Variants in SNTG1 observed in about 807,000 individuals in gnomAD.
SNTG1 encodes the protein gamma-1-syntrophin.
In SNTG1, 39 loss-of-function variants were observed where a neutral mutation model predicts 74.7. The observed-to-expected ratio is 0.52, with a 90% CI of 0.40 to 0.68. The LOEUF (loss-of-function observed/expected upper bound fraction) is 0.68. Among genes scored for constraint, SNTG1 ranks in the 30% least tolerant of loss-of-function variants. The probability of loss-of-function intolerance (pLI) is 0.00; values close to 1 mark genes in which losing one functional copy is unlikely to be tolerated. For missense variants in SNTG1, 685 were observed against 609.5 expected (o/e 1.12, Z -1.30); for synonymous variants, 254 against 217.1 (o/e 1.17, Z -1.49).
At chr8:50,696,265 C>T (rs933004395) in intron 15 of SNTG1, among the ~76,000 whole-genome samples, 4 of 151,868 alleles carry the variant, frequency 2.6e-5, no homozygotes, top group Non-Finnish European at 5.9e-5. Flanking sequence ...TGTATGTTTT[C>T]TTTTGACAAA....
intron 2 of SNTG1, among the ~76,000 whole-genome samples, chr8:50,211,401 C>A (rs562175625): frequency 2.0e-5 from 3 of 152,174 alleles, no homozygotes; most frequent in African/African-American, 7.2e-5. Flanking sequence ...TAATTATATT[C>A]ATTTAATAAT....
chr8:50,758,696 C>T (rs1003111023), intron 18 of SNTG1, among the ~76,000 whole-genome samples: 10 of 152,044 alleles, frequency 6.6e-5, no homozygotes, highest in African/African-American at 4.8e-5. Context: ...TGTATATGTG[C>T]CACATTTTCT....
intron 1 of SNTG1, among the ~76,000 whole-genome samples, chr8:50,160,318 G>GATAT (rs1268397980): frequency 2.0e-5 from 3 of 152,162 alleles, no homozygotes; most frequent in Non-Finnish European, 2.9e-5. Flanking sequence ...TTAAAGGGAT[G>GATAT]ATATAAACAA....
intron 1 of SNTG1, among the ~76,000 whole-genome samples, chr8:50,161,709 T>G (rs140382946): frequency 6.6e-6 from 1 of 151,602 alleles, no homozygotes; most frequent in African/African-American, 2.4e-5. Flanking sequence ...TGAAAGCCCT[T>G]GTCTAGTGAG....
chr8:50,340,817 G>C (rs549817975), intron 2 of SNTG1, among the ~76,000 whole-genome samples: 1 of 151,946 alleles, frequency 6.6e-6, no homozygotes, highest in African/African-American at 2.4e-5. Context: ...GTAAGTCTAG[G>C]ACTTTGTTTT....
intron 1 of SNTG1, among the ~76,000 whole-genome samples, chr8:50,115,699 G>T (rs910445568): frequency 1.3e-4 from 20 of 151,838 alleles, no homozygotes; most frequent in Non-Finnish European, 2.8e-4. Context: ...TGCTCTGTGT[G>T]TGTGTCTAGA....
intron 8 of SNTG1, among the ~76,000 whole-genome samples, chr8:50,472,134 A>G (rs1052605827): frequency 2.0e-5 from 3 of 152,198 alleles, no homozygotes; most frequent in African/African-American, 7.2e-5. Flanking sequence ...TGTAATTTAC[A>G]GAGTTGGTGT....
chr8:50,767,553 T>C lies in SNTG1; in HGVS notation c.1395+15442T>C, dbSNP rs896581190. 3.3e-5 allele frequency among the ~76,000 whole-genome samples: 5 copies of C among 152,086 alleles called. No homozygotes were observed. In the South Asian group the frequency reaches 1.0e-3, roughly 32 times the overall value. On this transcript the variant is annotated intron_variant, in intron 18 of 18. Transcript: ENST00000642720. ...AAGCCTAATTAAACTTCTCAGAACT[T>C]CCCTAGTGGAACAGGGGAGTGGTTC... is the stretch of plus-strand genomic sequence containing the variant.
chr8:50,652,945 G>A lies in SNTG1; in HGVS notation c.850-3964G>A, dbSNP rs185372854. 1.6e-3 allele frequency among the ~76,000 whole-genome samples: 242 copies of A among 151,724 alleles called. 2 individuals carry two copies. The highest frequency in any genetic ancestry group is 0.01 in the Middle Eastern group (3 of 292). On this transcript the variant is annotated intron_variant, in intron 13 of 18. Coordinates refer to ENST00000642720, the MANE Select transcript of SNTG1 (RefSeq NM_018967.5). ...CTTTTTATTTCTAGAAATAATGTTT[G>A]CCTTAGATCTACGTTTTCTAATACC...
chr8:49,990,359 A>G (rs1322559430), intron 1 of SNTG1, among the ~76,000 whole-genome samples: 1 of 152,046 alleles, frequency 6.6e-6, no homozygotes, highest in East Asian at 1.9e-4. Context: ...ATTGATCAAA[A>G]GATTTTATAC....
At chr8:50,415,459 T>C (rs2093002329) in intron 4 of SNTG1, among the ~76,000 whole-genome samples, 1 of 152,156 alleles carries the variant, frequency 6.6e-6, no homozygotes, top group Non-Finnish European at 1.5e-5. Flanking sequence ...TACTTATACC[T>C]ATACATGTTA....
intron 1 of SNTG1, among the ~76,000 whole-genome samples, chr8:50,012,689 G>A (rs1485169923): frequency 2.0e-5 from 3 of 152,106 alleles, no homozygotes; most frequent in East Asian, 1.9e-4. Context: ...GGTCACATGG[G>A]GGAGCACTTG....
intron 17 of SNTG1, among the ~76,000 whole-genome samples, chr8:50,716,623 C>A (rs1000232305): frequency 6.6e-6 from 1 of 151,324 alleles, no homozygotes; most frequent in Non-Finnish European, 1.5e-5. Flanking sequence ...AGTAAATATT[C>A]AAAAAAATTT....
At chr8:50,319,490 A>G (rs2090445781) in intron 2 of SNTG1, among the ~76,000 whole-genome samples, 1 of 152,214 alleles carries the variant, frequency 6.6e-6, no homozygotes, top group Admixed American at 6.5e-5. Flanking sequence ...GTTGTTCCAA[A>G]TATAAGATTA....
rs1396871778 is a variant in SNTG1, at chr8:50,749,383, C to T, written c.1285-2618C>T. 3.3e-5 allele frequency among the ~76,000 whole-genome samples: 5 copies of T among 152,092 alleles called. No individual in the cohort carries two copies. In the South Asian group the frequency reaches 6.2e-4, roughly 19 times the overall value. On this transcript the variant is annotated intron_variant, in intron 17 of 18. Transcript: ENST00000642720. ...CCATCTCTACACCATAAAAGTACAA[C>T]GTGAAGCAGCAAGTGCTGATGGAGA... is the stretch of plus-strand genomic sequence containing the variant.
intron 1 of SNTG1, among the ~76,000 whole-genome samples, chr8:50,168,800 T>C (rs1563688032): frequency 6.6e-6 from 1 of 152,176 alleles, no homozygotes; most frequent in African/African-American, 2.4e-5. Context: ...TTCTAGGAAG[T>C]TGCAAAGAAA....
intron 1 of SNTG1, among the ~76,000 whole-genome samples, chr8:50,000,380 G>T (rs535134976): frequency 2.0e-5 from 3 of 152,214 alleles, no homozygotes; most frequent in Non-Finnish European, 2.9e-5. Flanking sequence ...CAGAATGCTA[G>T]AAGTGCCTGT....
At chr8:50,494,830 A>G (rs2093889718) in intron 8 of SNTG1, among the ~76,000 whole-genome samples, 1 of 152,100 alleles carries the variant, frequency 6.6e-6, no homozygotes, top group Non-Finnish European at 1.5e-5. Flanking sequence ...AGCCTTAAAT[A>G]TTGTCATTAC....
At chr8:50,333,811 A>G (rs1013086972) in intron 2 of SNTG1, among the ~76,000 whole-genome samples, 1 of 152,228 alleles carries the variant, frequency 6.6e-6, no homozygotes, top group Non-Finnish European at 1.5e-5. Flanking sequence ...CCTCCAGAAA[A>G]AAATAAAAAT....
Sources: allele counts gnomAD v4.1 joint callset (sites outside exome capture counted in the v4.1 genomes callset), GRCh38; gene constraint gnomAD v4.1.1; transcripts MANE v1.5; gene names NCBI Gene and HGNC (gene_info 2026-07-23, HGNC 2026-07-21).